AKAP13: variants seen among roughly 807,000 people sequenced by gnomAD.
The protein encoded by AKAP13 is A-kinase anchor protein 13.
AKAP13 carries 80 observed loss-of-function variants against 264.5 expected under a neutral mutation model. The observed-to-expected ratio is 0.30, with a 90% CI of 0.25 to 0.36. AKAP13 has a LOEUF of 0.36. AKAP13 is among the 10% of genes least tolerant of loss of function. The probability of loss-of-function intolerance (pLI) is 1.00; values close to 1 mark genes in which losing one functional copy is unlikely to be tolerated. For synonymous variants in AKAP13, 1,380 were observed against 1,250.2 expected (o/e 1.10, Z -2.19); for missense variants, 3,712 against 3,435.2 (o/e 1.08, Z -2.01).
chr15:85,562,391 C>G (rs1290786887), intron 5 of AKAP13, among the ~76,000 whole-genome samples: 1 of 151,060 alleles, frequency 6.6e-6, no homozygotes, highest in African/African-American at 2.4e-5. Flanking sequence ...ATGGCGAAAC[C>G]CCGTCTCTAC....
At chr15:85,462,230 C>G (rs1399124860) in intron 1 of AKAP13, among the ~76,000 whole-genome samples, 1 of 152,166 alleles carries the variant, frequency 6.6e-6, no homozygotes, top group Non-Finnish European at 1.5e-5. Context: ...TGACTTGTCC[C>G]ATCAATCACA....
intron 1 of AKAP13, among the ~76,000 whole-genome samples, chr15:85,464,101 C>T (rs1050082231): frequency 2.0e-5 from 3 of 152,196 alleles, no homozygotes; most frequent in East Asian, 1.9e-4. Context: ...TCCCACACGG[C>T]GTCTATGATC....
chr15:85,688,808 A>C (rs1467443501), intron 16 of AKAP13, among the ~76,000 whole-genome samples: 4 of 152,212 alleles, frequency 2.6e-5, no homozygotes, highest in African/African-American at 9.6e-5. Context: ...AATATATTGA[A>C]TGTGTTTGTG....
intron 8 of AKAP13, among the ~76,000 whole-genome samples, chr15:85,617,442 G>T (rs1326140537): frequency 6.6e-6 from 1 of 152,072 alleles, no homozygotes; most frequent in Non-Finnish European, 1.5e-5. Flanking sequence ...TGGGGGTTTC[G>T]CCATGTTGGC....
At chr15:85,672,373 C>G (rs2083979746) in intron 14 of AKAP13, among the ~76,000 whole-genome samples, 1 of 152,188 alleles carries the variant, frequency 6.6e-6, no homozygotes. Flanking sequence ...TTATTCTACA[C>G]TAGAAACATA....
intron 5 of AKAP13, among the ~76,000 whole-genome samples, chr15:85,556,221 A>G (rs946933502): frequency 1.3e-5 from 2 of 152,250 alleles, no homozygotes; most frequent in African/African-American, 4.8e-5. Context: ...TTAAAAGTAA[A>G]TAATAAACCA....
At chr15:85,623,482 C>T (rs1172265916) in intron 8 of AKAP13, among the ~76,000 whole-genome samples, 2 of 152,022 alleles carry the variant, frequency 1.3e-5, no homozygotes, top group Non-Finnish European at 2.9e-5. Context: ...TGTTATATAC[C>T]CACGCTTTAT....
chr15:85,382,078 T>C (rs547367224), intron 1 of AKAP13: 1 of 152,352 alleles, frequency 6.6e-6, no homozygotes, highest in East Asian at 1.9e-4. Context: ...TTACACTTAA[T>C]TTGGTTTGTG....
At chr15:85,643,498 A>G (rs2082406467) in intron 9 of AKAP13, among the ~76,000 whole-genome samples, 2 of 152,198 alleles carry the variant, frequency 1.3e-5, no homozygotes, top group Non-Finnish European at 2.9e-5. Flanking sequence ...CCCACTTTCA[A>G]CACACAGAGA....
chr15:85,396,478 C>T (rs1210896980), intron 1 of AKAP13, among the ~76,000 whole-genome samples: 1 of 152,152 alleles, frequency 6.6e-6, no homozygotes, highest in Non-Finnish European at 1.5e-5. Flanking sequence ...TTTTGCTATT[C>T]TCTACATGCA....
intron 13 of AKAP13, among the ~76,000 whole-genome samples, chr15:85,666,569 G>A (rs1360584530): frequency 2.0e-5 from 3 of 152,052 alleles, no homozygotes; most frequent in Non-Finnish European, 4.4e-5. Flanking sequence ...CTTATTTAGA[G>A]ACAGGGTCTC....
At chr15:85,710,064 C>T (rs898137838) in intron 18 of AKAP13, among the ~76,000 whole-genome samples, 10 of 152,286 alleles carry the variant, frequency 6.6e-5, no homozygotes, top group Admixed American at 4.6e-4. Flanking sequence ...AGTGTATAAT[C>T]TCTCAAAGTA....
rs375609897 is a variant in AKAP13 at position 85,459,020 on chromosome 15, C to T, written c.-11-26690C>T. 1.0e-3 allele frequency among the ~76,000 whole-genome samples: 159 copies of T among 152,294 alleles called. 5 individuals carry two copies. The South Asian group carries it at 0.028, about 27-fold the overall frequency. On this transcript the variant is annotated intron_variant, in intron 1 of 36. Coordinates refer to ENST00000394518, the MANE Select transcript of AKAP13 (RefSeq NM_007200.5). ...TGTCATAAACTATATCACTTTTGTG[C>T]GAATGATTCCCAAATCTACAGCTCT...
chr15:85,479,102 G>C (rs1269357817), intron 1 of AKAP13, among the ~76,000 whole-genome samples: 1 of 152,136 alleles, frequency 6.6e-6, no homozygotes, highest in East Asian at 1.9e-4. Context: ...AAATATATTT[G>C]GCCCATGTGG....
chr15:85,525,247 A>T (rs2151168582), intron 3 of AKAP13, among the ~76,000 whole-genome samples: 1 of 151,950 alleles, frequency 6.6e-6, no homozygotes, highest in Middle Eastern at 3.4e-3. Flanking sequence ...TTTAGTAGAG[A>T]CAGGGTTTCA....
intron 1 of AKAP13, among the ~76,000 whole-genome samples, chr15:85,460,739 C>T (rs2074479319): frequency 6.6e-6 from 1 of 152,158 alleles, no homozygotes; most frequent in Non-Finnish European, 1.5e-5. Flanking sequence ...GAAGAAAGGT[C>T]AGATAAATTT....
intron 14 of AKAP13, among the ~76,000 whole-genome samples, chr15:85,670,075 C>G (rs963359618): frequency 6.6e-6 from 1 of 152,104 alleles, no homozygotes; most frequent in Non-Finnish European, 1.5e-5. Context: ...ATCTGACACA[C>G]TTTTTAAAAT....
Position 85,723,307 on chromosome 15 carries a change from A to G in AKAP13, c.6732A>G (p.Ala2244=). 1 of 1,614,126 alleles carries G rather than the reference A, an allele frequency of 6.2e-7. No individual in the cohort carries two copies. Among genetic ancestry groups the G allele is most frequent in the Non-Finnish European group, 8.5e-7 (1 of 1,179,972 alleles). The change falls in exon 26 of 37, where the codon GCA becomes GCG. Residue 2244 remains alanine (A), a synonymous_variant. Coordinates refer to ENST00000394518, the MANE Select transcript of AKAP13 (RefSeq NM_007200.5). ...GGAGTGTGTTTCTGAAGAATGCAGC[A>G]GGAAGGTTGAAAGGTAAGGCTTGGC... is the stretch of plus-strand genomic sequence containing the variant. The part of the protein sequence containing the change: ...RDGSVFLKNA[A]GRLKEVQAVL...
chr15:85,465,145 G>C (rs2074679869), intron 1 of AKAP13, among the ~76,000 whole-genome samples: 1 of 149,454 alleles, frequency 6.7e-6, no homozygotes, highest in East Asian at 1.9e-4. Flanking sequence ...AGTAGAGACG[G>C]GGTTTCATGT....
Sources: allele counts gnomAD v4.1 joint callset (sites outside exome capture counted in the v4.1 genomes callset), GRCh38; gene constraint gnomAD v4.1.1; transcripts MANE v1.5; gene names NCBI Gene and HGNC (gene_info 2026-07-23, HGNC 2026-07-21).